The following PTPRD variants were observed in gnomAD, a reference collection of about 807,000 sequenced individuals.
PTPRD encodes the protein receptor-type tyrosine-protein phosphatase delta.
Under a neutral mutation model 214.5 loss-of-function variants are expected in PTPRD, and 34 were observed. The ratio of observed to expected loss-of-function variants is 0.16; its 90% CI spans 0.12 to 0.21. The LOEUF is 0.21. PTPRD is among the 10% of genes least tolerant of loss of function. The probability of loss-of-function intolerance (pLI) is 1.00; values close to 1 mark genes in which losing one functional copy is unlikely to be tolerated. For synonymous variants in PTPRD, 1,128 were observed against 845.7 expected (o/e 1.33, Z -5.79); for missense variants, 2,545 against 2,398.7 (o/e 1.06, Z -1.27).
intron 6 of PTPRD, among the ~76,000 whole-genome samples, chr9:9,748,330 T>A (rs1030936663): frequency 1.3e-5 from 2 of 152,168 alleles, no homozygotes; most frequent in East Asian, 1.9e-4. Context: ...TTGTTCTTAA[T>A]AACAAAAATA....
At chr9:9,287,287 C>T (rs148177417) in intron 9 of PTPRD, among the ~76,000 whole-genome samples, 1 of 151,622 alleles carries the variant, frequency 6.6e-6, no homozygotes, top group African/African-American at 2.4e-5. Context: ...TGTGCTAGCC[C>T]CATTTAAAAA....
rs550097096 is a variant in PTPRD, at chr9:8,554,222, T to C, written c.353-25443A>G. Among the ~76,000 whole-genome samples, 235 of 151,968 alleles carry C rather than the reference T, an allele frequency of 1.5e-3. 2 individuals carry two copies. Among genetic ancestry groups the C allele is most frequent in the African/African-American group, 5.5e-3 (226 of 41,452 alleles). Reference sequence around the variant, plus strand: ...AAAACAAAACAAAACCCACAGATTATAGTTGGGGAAGGAAGGATTTAAAAA... The same window carrying C: ...AAAACAAAACAAAACCCACAGATTACAGTTGGGGAAGGAAGGATTTAAAAA... On this transcript the variant is annotated intron_variant, in intron 14 of 45. Transcript: ENST00000381196.
intron 12 of PTPRD, among the ~76,000 whole-genome samples, chr9:8,637,764 G>A (rs993773284): frequency 6.6e-6 from 1 of 152,136 alleles, no homozygotes; most frequent in African/African-American, 2.4e-5. Context: ...AACAGTATGG[G>A]ATTTCTGTCA....
chr9:9,953,450 C>G (rs967677186), intron 4 of PTPRD, among the ~76,000 whole-genome samples: 2 of 151,194 alleles, frequency 1.3e-5, no homozygotes, highest in African/African-American at 4.9e-5. Context: ...GCCCCAAAAG[C>G]TACTGAAATA....
chr9:8,688,880 G>C (rs2097748366), intron 12 of PTPRD, among the ~76,000 whole-genome samples: 1 of 152,098 alleles, frequency 6.6e-6, no homozygotes. Flanking sequence ...TCCCTTGCAG[G>C]CCTATGACTT....
intron 2 of PTPRD, among the ~76,000 whole-genome samples, chr9:10,427,238 A>G (rs1437795631): frequency 6.6e-6 from 1 of 152,092 alleles, no homozygotes; most frequent in East Asian, 1.9e-4. Flanking sequence ...CATTTTTTCT[A>G]TGAATAACTT....
intron 2 of PTPRD, among the ~76,000 whole-genome samples, chr9:10,465,740 G>A (rs10959115): frequency 6.6e-6 from 1 of 152,154 alleles, no homozygotes; most frequent in East Asian, 1.9e-4. Context: ...ATGCCATATA[G>A]CCTAGGTGTG....
intron 8 of PTPRD, among the ~76,000 whole-genome samples, chr9:9,405,888 T>C (rs2073111859): frequency 6.6e-6 from 1 of 152,054 alleles, no homozygotes; most frequent in South Asian, 2.1e-4. Context: ...AGATAATTTG[T>C]AATTTGCTTA....
At chr9:9,358,713 A>G (rs975907965) in intron 9 of PTPRD, among the ~76,000 whole-genome samples, 1 of 151,338 alleles carries the variant, frequency 6.6e-6, no homozygotes, top group Non-Finnish European at 1.5e-5. Flanking sequence ...GTAGAACTAA[A>G]AAGTACATGT....
chr9:10,522,514 T>C (rs1482818276), intron 2 of PTPRD, among the ~76,000 whole-genome samples: 1 of 152,146 alleles, frequency 6.6e-6, no homozygotes, highest in African/African-American at 2.4e-5. Context: ...ATTACTTACC[T>C]ATGTCAGAAT....
intron 8 of PTPRD, among the ~76,000 whole-genome samples, chr9:9,439,194 ATT>A (rs35504835): frequency 4.0e-5 from 6 of 151,644 alleles, no homozygotes; most frequent in South Asian, 2.1e-4. Flanking sequence ...AATACATTAG[ATT>A]TTTTTTTAAT....
intron 8 of PTPRD, among the ~76,000 whole-genome samples, chr9:9,558,939 T>C (rs2154290501): frequency 6.6e-6 from 1 of 152,332 alleles, no homozygotes; most frequent in Admixed American, 6.5e-5. Context: ...TAAGCCTTTT[T>C]GTAACTCTGC....
chr9:10,456,674 G>C (rs1254346302), intron 2 of PTPRD, among the ~76,000 whole-genome samples: 1 of 151,862 alleles, frequency 6.6e-6, no homozygotes, highest in Non-Finnish European at 1.5e-5. Flanking sequence ...CAGATTCAGA[G>C]ATTCATCTTT....
chr9:9,443,795 G>A, intron 8 of PTPRD, among the ~76,000 whole-genome samples: 1 of 152,138 alleles, frequency 6.6e-6, no homozygotes, highest in Admixed American at 6.5e-5. Context: ...CCCTCTGGAG[G>A]TCCTGGTCCT....
intron 8 of PTPRD, among the ~76,000 whole-genome samples, chr9:9,468,065 G>A (rs1484920083): frequency 6.6e-6 from 1 of 151,952 alleles, no homozygotes; most frequent in African/African-American, 2.4e-5. Context: ...ATTTGAATGT[G>A]GAAATTTACT....
intron 11 of PTPRD, among the ~76,000 whole-genome samples, chr9:8,783,961 GT>G (rs1378898031): frequency 6.6e-6 from 1 of 152,112 alleles, no homozygotes; most frequent in African/African-American, 2.4e-5. Flanking sequence ...TGCTGCTTTG[GT>G]AATTCACGAA....
intron 11 of PTPRD, among the ~76,000 whole-genome samples, chr9:8,782,221 G>A (rs537659499): frequency 6.6e-6 from 1 of 151,894 alleles, no homozygotes; most frequent in Non-Finnish European, 1.5e-5. Context: ...ATATATTGTG[G>A]AATGGATCAA....
chr9:8,697,569 C>G (rs2097948977), intron 12 of PTPRD, among the ~76,000 whole-genome samples: 1 of 151,134 alleles, frequency 6.6e-6, no homozygotes, highest in Non-Finnish European at 1.5e-5. Context: ...CTTACAGGTG[C>G]CCGCCACCAC....
intron 4 of PTPRD, among the ~76,000 whole-genome samples, chr9:9,955,074 A>G (rs2093791180): frequency 1.3e-5 from 2 of 152,200 alleles, no homozygotes; most frequent in African/African-American, 4.8e-5. Context: ...TGAAGTAAAG[A>G]ATGAAGAAGA....
Sources: allele counts gnomAD v4.1 joint callset (sites outside exome capture counted in the v4.1 genomes callset), GRCh38; gene constraint gnomAD v4.1.1; transcripts MANE v1.5; gene names NCBI Gene and HGNC (gene_info 2026-07-23, HGNC 2026-07-21).